LYRM4: variants seen among roughly 807,000 people sequenced by gnomAD.
The protein encoded by LYRM4 is LYR motif-containing protein 4.
A neutral mutation model predicts 11.7 loss-of-function variants in LYRM4; 9 were observed. That is an observed-to-expected ratio of 0.77 (90% CI 0.46 to 1.34). The LOEUF is 1.34. LYRM4 is among the 40% of genes most tolerant of loss of function. LYRM4 has a pLI of 0.00. For synonymous variants in LYRM4, 42 were observed against 40.4 expected, an observed-to-expected ratio of 1.04 and a Z score of -0.15; for missense variants, 133 against 112.5, an observed-to-expected ratio of 1.18 and a Z score of -0.82.
intron 2 of LYRM4, among the ~76,000 whole-genome samples, chr6:5,155,095 T>A (rs569215364): frequency 2.6e-5 from 4 of 152,252 alleles, no homozygotes; most frequent in East Asian, 3.9e-4. Context: ...TATTATTATT[T>A]TTTTGAGATA....
intron 2 of LYRM4, among the ~76,000 whole-genome samples, chr6:5,191,949 G>C (rs986411345): frequency 6.6e-6 from 1 of 152,068 alleles, no homozygotes; most frequent in Non-Finnish European, 1.5e-5. Context: ...GAAACAATCC[G>C]ACAGATTAAG....
the LYRM4 span, among the ~76,000 whole-genome samples, chr6:5,075,338 A>G: frequency 1.3e-5 from 2 of 152,222 alleles, no homozygotes; most frequent in Admixed American, 6.5e-5. Flanking sequence ...GAGCAGAGGG[A>G]CTGGAGCTCA....
chr6:5,056,130 A>G, the LYRM4 span, among the ~76,000 whole-genome samples: 1 of 152,138 alleles, frequency 6.6e-6, no homozygotes, highest in Admixed American at 6.6e-5. Context: ...TCTCTTGAGT[A>G]GCTGGGACTA....
chr6:5,144,255 T>A, intron 2 of LYRM4: 1 of 1,537,032 alleles, frequency 6.5e-7, no homozygotes, highest in Non-Finnish European at 8.7e-7. Flanking sequence ...TGTGCCTTGC[T>A]CAGCTACCTG....
chr6:5,156,914 C>T (rs1280792239), intron 2 of LYRM4, among the ~76,000 whole-genome samples: 1 of 152,164 alleles, frequency 6.6e-6, no homozygotes, highest in African/African-American at 2.4e-5. Context: ...GTCACAAGAT[C>T]CCCCCTGAAG....
At chr6:5,079,619 G>C in the LYRM4 span, among the ~76,000 whole-genome samples, 5 of 152,326 alleles carry the variant, frequency 3.3e-5, no homozygotes, top group Non-Finnish European at 4.4e-5. Flanking sequence ...CAGTAGCTGA[G>C]TGGTAAGAGA....
intron 1 of LYRM4, among the ~76,000 whole-genome samples, chr6:5,231,249 T>A (rs1301780052): frequency 6.6e-6 from 1 of 151,954 alleles, no homozygotes; most frequent in Non-Finnish European, 1.5e-5. Flanking sequence ...ACCCAAACAT[T>A]TCAGGTGTAC....
the LYRM4 span, among the ~76,000 whole-genome samples, chr6:5,061,099 T>A: frequency 6.6e-6 from 1 of 152,224 alleles, no homozygotes; most frequent in Non-Finnish European, 1.5e-5. Context: ...GCCATGCAGG[T>A]CACTTAATTA....
At chr6:5,070,673 C>G in the LYRM4 span, among the ~76,000 whole-genome samples, 5 of 150,610 alleles carry the variant, frequency 3.3e-5, no homozygotes, top group Non-Finnish European at 7.4e-5. Flanking sequence ...GCCAACAGAT[C>G]AAAACTAACC....
At position 5,200,397 on chromosome 6, in the gene LYRM4, G is replaced by A. The variant is rs186371733; in HGVS notation, c.207+16221C>T. Among the ~76,000 whole-genome samples, 29 of 152,178 alleles carry A rather than the reference G, an allele frequency of 1.9e-4. No homozygotes were observed. The East Asian group carries it at 4.6e-3, about 24-fold the overall frequency. On this transcript the variant is annotated intron_variant, in intron 2 of 2. Transcript: ENST00000330636. ...GGATATTGTCTTGTGATATCAGCTCGAACCCCAAAGAGCCTCCTCAGGAGC... is the reference window on the plus strand; with the variant it reads ...GGATATTGTCTTGTGATATCAGCTCAAACCCCAAAGAGCCTCCTCAGGAGC...
At chr6:5,162,551 G>A (rs1317153788) in intron 2 of LYRM4, among the ~76,000 whole-genome samples, 1 of 150,390 alleles carries the variant, frequency 6.6e-6, no homozygotes, top group East Asian at 2.0e-4. Context: ...AGGTGGCAGG[G>A]GAGATCTGTT....
the LYRM4 span, among the ~76,000 whole-genome samples, chr6:5,054,784 C>G: frequency 6.6e-6 from 1 of 152,170 alleles, no homozygotes; most frequent in Non-Finnish European, 1.5e-5. Context: ...AAAAAACAGA[C>G]TCTTTGTAGC....
intron 2 of LYRM4, among the ~76,000 whole-genome samples, chr6:5,128,082 CA>C (rs1340955424): frequency 6.6e-6 from 1 of 152,134 alleles, no homozygotes; most frequent in Admixed American, 6.5e-5. Context: ...TGGTGGTAGA[CA>C]AATCAGCACC....
At chr6:5,090,262 A>G in the LYRM4 span, among the ~76,000 whole-genome samples, 1 of 152,240 alleles carries the variant, frequency 6.6e-6, no homozygotes, top group African/African-American at 2.4e-5. The surrounding 1 kb of genome is among the most constrained non-coding windows in gnomAD (Gnocchi z 4.8). Flanking sequence ...AAGTGTGTCC[A>G]TGGATCACTG....
At chr6:5,055,342 C>T in the LYRM4 span, among the ~76,000 whole-genome samples, 25 of 152,258 alleles carry the variant, frequency 1.6e-4, no homozygotes, top group African/African-American at 6.0e-4. The surrounding 1 kb of genome is among the most constrained non-coding windows in gnomAD (Gnocchi z 4.5). Flanking sequence ...TGGTCCTTAA[C>T]CTTGGCAAAA....
intron 2 of LYRM4, among the ~76,000 whole-genome samples, chr6:5,209,285 T>C (rs909634035): frequency 7.2e-5 from 11 of 152,074 alleles, no homozygotes; most frequent in African/African-American, 2.4e-4. Context: ...TTAGTAGAGA[T>C]GGGGTTTCAC....
chr6:5,062,954 G>A, the LYRM4 span, among the ~76,000 whole-genome samples: 3 of 152,208 alleles, frequency 2.0e-5, no homozygotes, highest in Non-Finnish European at 4.4e-5. Flanking sequence ...GGACTCATGT[G>A]CCGCTGACTA....
the LYRM4 span, among the ~76,000 whole-genome samples, chr6:5,067,216 T>C: frequency 6.6e-6 from 1 of 152,268 alleles, no homozygotes; most frequent in Non-Finnish European, 1.5e-5. Context: ...GATATTTATG[T>C]ACACAGAAAA....
rs760572181 is a variant in LYRM4, at chr6:5,109,458, G to C, written c.241C>G (p.Leu81Val). Residue 81 changes from leucine (L) to valine (V), a missense_variant, in exon 3 of 3, where the codon CTG becomes GTG. Leu to Val is a conservative substitution (Grantham distance 32, BLOSUM62 1). Transcript: ENST00000330636. ...HIGQLYSTDK[L>V]IIENRDMPRT Reference sequence around the variant, plus strand: ...GGCATGTCTCGATTCTCAATGATCAGCTTGTCAGTTGAATACAGTTGGCCA... The same window carrying C: ...GGCATGTCTCGATTCTCAATGATCACCTTGTCAGTTGAATACAGTTGGCCA... 6.2e-7 allele frequency: 1 copy of C among 1,614,008 alleles called. No homozygotes were observed. The highest frequency in any genetic ancestry group is 1.3e-5 in the African/African-American group (1 of 74,926).
Sources: gnomAD v4.1 joint callset for allele counts (sites outside exome capture counted in the v4.1 genomes callset) on GRCh38, gnomAD v4.1.1 for gene constraint, Gnocchi (gnomAD v3.1) non-coding constraint, MANE v1.5 for transcripts, NCBI Gene and HGNC (gene_info 2026-07-23, HGNC 2026-07-21) for gene names.